The following SPECC1L variants were observed in gnomAD, a reference collection of about 807,000 sequenced individuals.
SPECC1L encodes the protein cytospin-A.
A neutral mutation model predicts 116.8 loss-of-function variants in SPECC1L; 40 were observed. That is an observed-to-expected ratio of 0.34 (90% CI 0.27 to 0.45). The LOEUF is 0.45. SPECC1L is among the 20% of genes least tolerant of loss of function. SPECC1L has a pLI of 1.00. For missense variants in SPECC1L, 1,110 were observed against 1,373.6 expected (o/e 0.81, Z 3.03); for synonymous variants, 504 against 500.6 (o/e 1.01, Z -0.09).
chr22:24,338,532 G>C, intron 10 of SPECC1L, 55 bp downstream of exon 10: 1 of 1,515,796 alleles, frequency 6.6e-7, no homozygotes, highest in Non-Finnish European at 9.2e-7. Flanking sequence ...GAAAGTTGAG[G>C]CCTTTTCTTC....
chr22:24,405,875 C>T (rs1389070502), intron 14 of SPECC1L, among the ~76,000 whole-genome samples: 1 of 151,520 alleles, frequency 6.6e-6, no homozygotes, highest in Non-Finnish European at 1.5e-5. Flanking sequence ...ATGTAAAGCA[C>T]ATTACAGTTT....
At chr22:24,410,178 G>A (rs115288288) in intron 14 of SPECC1L, among the ~76,000 whole-genome samples, 111 of 152,262 alleles carry the variant, frequency 7.3e-4, no homozygotes, top group African/African-American at 2.6e-3. Context: ...TTTCGGAGAT[G>A]GGGGGGATCT....
At chr22:24,329,015 G>T (rs1188745613) in intron 7 of SPECC1L, 96 bp downstream of exon 7, 2 of 929,062 alleles carry the variant, frequency 2.2e-6, no homozygotes, top group Admixed American at 3.9e-5. Flanking sequence ...TTAAGTTTTG[G>T]ATACAGTGAT....
At chr22:24,290,049 C>T (rs2049128004) in intron 2 of SPECC1L, among the ~76,000 whole-genome samples, 1 of 152,230 alleles carries the variant, frequency 6.6e-6, no homozygotes, top group Non-Finnish European at 1.5e-5. Flanking sequence ...GACTTGGCCT[C>T]CATCCCTCCA....
intron 2 of SPECC1L, among the ~76,000 whole-genome samples, chr22:24,287,143 G>A (rs1601497553): frequency 1.3e-5 from 2 of 152,312 alleles, no homozygotes; most frequent in East Asian, 3.9e-4. Context: ...TTCTCAGGGA[G>A]GAAAGTGGTA....
At chr22:24,319,806 C>G (rs1031394870) in intron 4 of SPECC1L, among the ~76,000 whole-genome samples, 1 of 152,242 alleles carries the variant, frequency 6.6e-6, no homozygotes, top group African/African-American at 2.4e-5. Context: ...CATTTGCTCC[C>G]TGTTACCTCT....
In SPECC1L at chr22:24,390,183, C is replaced by T. The variant is rs147107581; in HGVS notation, c.3087+20863C>T. ...TTTAGTTTCCTCTCTGGAAAACATT[C>T]CAGAATGCCGCTCTTCCCCTGATCC... On this transcript the variant is annotated intron_variant, in intron 14 of 16. Coordinates refer to ENST00000314328, the MANE Select transcript of SPECC1L (RefSeq NM_015330.6). Among the ~76,000 whole-genome samples the T allele has an allele frequency of 1.3e-3, 196 of 151,830 alleles. 2 individuals are homozygous for T. The highest frequency in any genetic ancestry group is 6.9e-3 in the Middle Eastern group (2 of 290).
At position 24,330,422 on chromosome 22, in the gene SPECC1L, A is replaced by C. The variant is rs1193733621; in HGVS notation, c.2387A>C (p.Lys796Thr). 9 of 1,614,174 alleles carry C rather than the reference A, an allele frequency of 5.6e-6. No individual in the cohort carries two copies. Among genetic ancestry groups the C allele is most frequent in the Non-Finnish European group, 7.6e-6 (9 of 1,180,022 alleles). Reference protein sequence around the residue: ...EKLTKELEEIKSRKQEEERGR... With the variant: ...EKLTKELEEITSRKQEEERGR... ...CTCACAAAAGAATTGGAGGAAATAA[A>C]GTCACGCAAGTAAGTTCTGAGAAAC... is the stretch of plus-strand genomic sequence containing the variant. Residue 796 changes from lysine to threonine, a missense_variant, in exon 8 of 17, where the codon AAG becomes ACG. By Grantham distance (78) the Lys-to-Thr change is moderately conservative. Transcript: ENST00000314328.
chr22:24,321,879 CT>C lies in SPECC1L; in HGVS notation c.900del (p.Gly301ValfsTer10). 6.2e-7 allele frequency: 1 copy of C among 1,614,232 alleles called. No individual in the cohort carries two copies. The highest frequency in any genetic ancestry group is 8.5e-7 in the Non-Finnish European group (1 of 1,180,044). On this transcript the variant is annotated frameshift_variant, in exon 5 of 17. Transcript: ENST00000314328. LOFTEE classifies it high-confidence loss of function. Reference sequence around the variant, plus strand: ...CAGTCCCTGAGCCCAGAAATCACCCCTGGTAACCAGAGCGATGGAGGAGGAA... The same window carrying C: ...CAGTCCCTGAGCCCAGAAATCACCCCGGTAACCAGAGCGATGGAGGAGGAA... ...GYQSLSPEITPGNQSDGGGTL... is the reference protein window; with the variant it reads ...GYQSLSPEITXGNQSDGGGTL...
intron 14 of SPECC1L, among the ~76,000 whole-genome samples, chr22:24,392,621 C>T (rs1480674780): frequency 6.6e-6 from 1 of 152,154 alleles, no homozygotes; most frequent in Non-Finnish European, 1.5e-5. Flanking sequence ...GGTAATTAGC[C>T]ATTAGACAAC....
At chr22:24,348,350 C>T (rs769117817) in intron 11 of SPECC1L, among the ~76,000 whole-genome samples, 2 of 152,226 alleles carry the variant, frequency 1.3e-5, no homozygotes, top group Non-Finnish European at 2.9e-5. Flanking sequence ...ACCCAAAGGA[C>T]TGGCTCTGTG....
chr22:24,288,597 C>G (rs1191663221), intron 2 of SPECC1L, among the ~76,000 whole-genome samples: 2 of 132,722 alleles, frequency 1.5e-5, no homozygotes, highest in African/African-American at 5.6e-5. Flanking sequence ...AAAGACTTCT[C>G]AAATCCAAAA....
At chr22:24,332,205 T>C (rs2040952723) in intron 8 of SPECC1L, among the ~76,000 whole-genome samples, 1 of 152,352 alleles carries the variant, frequency 6.6e-6, no homozygotes, top group South Asian at 2.1e-4. Context: ...TGATAAAATG[T>C]GGGCTTTGAA....
In SPECC1L at chr22:24,375,402, TA is replaced by T. The variant is rs1187356632; in HGVS notation, c.3087+6084del. ...AAAACTGTAAAAGCCCTTGACAAAA[TA>T]ATGACAATATCCAGCAGTATATTAA... On this transcript the variant is annotated intron_variant, in intron 14 of 16. Transcript: ENST00000314328. Among the ~76,000 whole-genome samples, 8 of 152,132 alleles carry T rather than the reference TA, an allele frequency of 5.3e-5. No homozygotes were observed. The South Asian group carries it at 1.0e-3, about 20-fold the overall frequency.
At chr22:24,290,806 C>A (rs1667928083) in intron 2 of SPECC1L, among the ~76,000 whole-genome samples, 2 of 152,176 alleles carry the variant, frequency 1.3e-5, no homozygotes, top group South Asian at 4.1e-4. Context: ...TCATAATTCA[C>A]CATAAGAAAG....
chr22:24,299,260 G>T (rs1749428644), intron 2 of SPECC1L, among the ~76,000 whole-genome samples: 1 of 152,084 alleles, frequency 6.6e-6, no homozygotes, highest in Non-Finnish European at 1.5e-5. Flanking sequence ...GATAGTAAAG[G>T]TATATTTTCA....
intron 5 of SPECC1L, 47 bp from the exon 6 acceptor site, chr22:24,324,173 A>T (rs2146486234): frequency 2.6e-6 from 4 of 1,523,748 alleles, no homozygotes; most frequent in Non-Finnish European, 3.6e-6. Flanking sequence ...AACGTACCTT[A>T]GAACAACTCT....
chr22:24,389,965 T>G (rs976172997), intron 14 of SPECC1L, among the ~76,000 whole-genome samples: 1 of 152,032 alleles, frequency 6.6e-6, no homozygotes, highest in African/African-American at 2.4e-5. Context: ...TTTCCTAACC[T>G]AAAGAGATTG....
chr22:24,278,640 G>A (rs1234980780), intron 2 of SPECC1L, among the ~76,000 whole-genome samples: 1 of 152,110 alleles, frequency 6.6e-6, no homozygotes, highest in East Asian at 1.9e-4. Flanking sequence ...GGTGGAGGGA[G>A]GTAAGAATTT....
Sources: gnomAD v4.1 joint callset for allele counts (sites outside exome capture counted in the v4.1 genomes callset) on GRCh38, gnomAD v4.1.1 for gene constraint, MANE v1.5 for transcripts, NCBI Gene and HGNC (gene_info 2026-07-23, HGNC 2026-07-21) for gene names.